Variants in LRP1B observed in about 807,000 individuals in gnomAD.
The protein encoded by LRP1B is LDL receptor related protein 1B, also known as low-density lipoprotein receptor-related protein 1B.
A neutral mutation model predicts 556.6 loss-of-function variants in LRP1B; 217 were observed. That is an observed-to-expected ratio of 0.39 (90% CI 0.35 to 0.44). The LOEUF is 0.44. Ranked by LOEUF, LRP1B falls within the 20% of genes least tolerant of loss-of-function variation. LRP1B has a pLI of 1.00. For synonymous variants in LRP1B, 2,047 were observed against 1,865.8 expected (o/e 1.10, Z -2.50); for missense variants, 5,053 against 5,620.8 (o/e 0.90, Z 3.23).
chr2:141,345,201 C>G (rs1688201246), intron 3 of LRP1B, among the ~76,000 whole-genome samples: 1 of 151,344 alleles, frequency 6.6e-6, no homozygotes, highest in Non-Finnish European at 1.5e-5. Context: ...AATGGATTCC[C>G]CCTTAGACTT....
At chr2:142,021,341 T>C in intron 1 of LRP1B, among the ~76,000 whole-genome samples, 1 of 151,820 alleles carries the variant, frequency 6.6e-6, no homozygotes, top group Non-Finnish European at 1.5e-5. Context: ...TGTGTCAGAG[T>C]GGAAAGGAAA....
intron 2 of LRP1B, among the ~76,000 whole-genome samples, chr2:141,715,687 T>C (rs1574276311): frequency 6.6e-6 from 1 of 151,778 alleles, no homozygotes; most frequent in African/African-American, 2.4e-5. Flanking sequence ...TTGTGGTGGG[T>C]GCCTATAATC....
chr2:140,802,519 C>T (rs1158007152), intron 32 of LRP1B, among the ~76,000 whole-genome samples: 1 of 152,102 alleles, frequency 6.6e-6, no homozygotes, highest in Non-Finnish European at 1.5e-5. Context: ...AAATTGTTCA[C>T]CACTTCAGAA....
intron 31 of LRP1B, among the ~76,000 whole-genome samples, chr2:140,828,437 G>A (rs377490114): frequency 0.04 from 5,706 of 143,522 alleles, 281 homozygotes; most frequent in East Asian, 0.17. Flanking sequence ...GTGAAACCCC[G>A]TCTCTACTAA....
At chr2:140,285,087 C>T (rs1420404674) in intron 84 of LRP1B, among the ~76,000 whole-genome samples, 2 of 148,764 alleles carry the variant, frequency 1.3e-5, no homozygotes, top group Non-Finnish European at 3.0e-5. Flanking sequence ...TGGATAATCC[C>T]TATATCTCTC....
chr2:140,299,899 C>T (rs1003550641), intron 83 of LRP1B, among the ~76,000 whole-genome samples: 3 of 152,038 alleles, frequency 2.0e-5, no homozygotes, highest in Non-Finnish European at 4.4e-5. Flanking sequence ...GCCACACAAA[C>T]ATATAATGTG....
At chr2:141,875,841 C>T (rs1490913361) in intron 1 of LRP1B, among the ~76,000 whole-genome samples, 1 of 151,604 alleles carries the variant, frequency 6.6e-6, no homozygotes, top group African/African-American at 2.4e-5. Flanking sequence ...GTATGTGTAG[C>T]GAGGGTAATA....
intron 2 of LRP1B, among the ~76,000 whole-genome samples, chr2:141,802,119 G>A (rs1567308): frequency 0.18 from 27,970 of 152,002 alleles, 3,020 homozygotes; most frequent in East Asian, 0.39. Context: ...AGTATTTTGT[G>A]TTAACAATTA....
rs886494413 is a variant in LRP1B at position 140,578,443 on chromosome 2, A to G, written c.7194+20188T>C. Among the ~76,000 whole-genome samples the G allele has an allele frequency of 1.6e-4, 25 of 152,308 alleles. 1 individual carries two copies. The highest frequency in any genetic ancestry group is 6.0e-4 in the African/African-American group (25 of 41,570). On this transcript the variant is annotated intron_variant, in intron 43 of 90. Coordinates refer to ENST00000389484, the MANE Select transcript of LRP1B (RefSeq NM_018557.3). Reference sequence around the variant, plus strand: ...ATTGAATAAGAAAATAAATTCTTTTACTGCTCTCCTTTTACTTCTCCTCCA... The same window carrying G: ...ATTGAATAAGAAAATAAATTCTTTTGCTGCTCTCCTTTTACTTCTCCTCCA...
At chr2:140,994,171 C>T (rs778662334) in intron 15 of LRP1B, 36 bp from the exon 16 acceptor site, 17 of 1,584,910 alleles carry the variant, frequency 1.1e-5, no homozygotes, top group Middle Eastern at 1.7e-4. Flanking sequence ...ATGAATAATG[C>T]TAGCTACAGT....
intron 41 of LRP1B, among the ~76,000 whole-genome samples, chr2:140,629,111 T>C (rs1683784523): frequency 6.6e-6 from 1 of 152,150 alleles, no homozygotes; most frequent in South Asian, 2.1e-4. Flanking sequence ...TGGAGTGCAG[T>C]GGCGCCATTT....
At chr2:141,867,430 G>A (rs146975521) in intron 1 of LRP1B, among the ~76,000 whole-genome samples, 208 of 152,108 alleles carry the variant, frequency 1.4e-3, no homozygotes, top group African/African-American at 4.8e-3. Flanking sequence ...ATGAATATAT[G>A]TTTTCAAATA....
At chr2:141,294,739 C>CAAAAA (rs10700407) in intron 3 of LRP1B, among the ~76,000 whole-genome samples, 1 of 139,280 alleles carries the variant, frequency 7.2e-6, no homozygotes, top group Non-Finnish European at 1.5e-5. Flanking sequence ...GATTCTGTCT[C>CAAAAA]AAAAAAAAAA....
intron 1 of LRP1B, among the ~76,000 whole-genome samples, chr2:141,934,865 G>A (rs2164338): frequency 0.86 from 131,094 of 152,166 alleles, 56,629 homozygotes; most frequent in East Asian, 1. Context: ...TCCTTTATAA[G>A]TTACCCAGTC....
chr2:140,869,949 A>G (rs1054376322), intron 25 of LRP1B, among the ~76,000 whole-genome samples: 1 of 152,138 alleles, frequency 6.6e-6, no homozygotes, highest in Non-Finnish European at 1.5e-5. Context: ...TTGCAAGTTC[A>G]TGGAAGCTGC....
chr2:141,231,601 T>C (rs1006474708), intron 5 of LRP1B, among the ~76,000 whole-genome samples: 6 of 145,622 alleles, frequency 4.1e-5, no homozygotes, highest in Admixed American at 1.4e-4. Flanking sequence ...CTTAGCACAT[T>C]CCCCCCACCC....
intron 1 of LRP1B, among the ~76,000 whole-genome samples, chr2:142,050,375 T>C (rs192978725): frequency 3.3e-5 from 5 of 152,082 alleles, no homozygotes; most frequent in Admixed American, 2.0e-4. Context: ...TTCTAGCTTG[T>C]GTGTAAGCCA....
chr2:141,085,278 A>G, intron 7 of LRP1B, among the ~76,000 whole-genome samples: 1 of 152,360 alleles, frequency 6.6e-6, no homozygotes, highest in African/African-American at 2.4e-5. Context: ...AGAACAGAAG[A>G]GTTTTATAAT....
chr2:141,031,708 C>T (rs747937373), intron 11 of LRP1B, among the ~76,000 whole-genome samples: 22 of 151,638 alleles, frequency 1.5e-4, no homozygotes, highest in South Asian at 2.1e-4. Flanking sequence ...ATTTTATTCA[C>T]GAAGAAAACA....
Sources: allele counts gnomAD v4.1 joint callset (sites outside exome capture counted in the v4.1 genomes callset), GRCh38; gene constraint gnomAD v4.1.1; transcripts MANE v1.5; gene names NCBI Gene and HGNC (gene_info 2026-07-23, HGNC 2026-07-21).